The following HDAC8 variants were observed in gnomAD, a reference collection of about 807,000 sequenced individuals.
HDAC8 encodes histone deacetylase 8, also known as histone deacetylase-like 1.
HDAC8 carries 1 observed loss-of-function variant against 32.2 expected under a neutral mutation model. The ratio of observed to expected loss-of-function variants is 0.03; its 90% CI spans 0.01 to 0.15. The LOEUF (loss-of-function observed/expected upper bound fraction) is 0.15. Ranked by LOEUF, HDAC8 falls within the 10% of genes least tolerant of loss-of-function variation. HDAC8 has a pLI of 1.00. For missense variants in HDAC8, 117 were observed against 300.0 expected, an observed-to-expected ratio of 0.39 and a Z score of 4.51; for synonymous variants, 108 against 113.9, an observed-to-expected ratio of 0.95 and a Z score of 0.33.
chrX:72,337,048 C>T, intron 10 of HDAC8, among the ~76,000 whole-genome samples: 1 of 112,311 alleles, frequency 8.9e-6, no homozygotes, highest in East Asian at 2.8e-4. Flanking sequence ...CTGCACTCAG[C>T]CTCTTTTGCC....
chrX:72,354,446 C>T (rs782566535), intron 9 of HDAC8, among the ~76,000 whole-genome samples: 39 of 112,707 alleles, frequency 3.5e-4, no homozygotes, highest in Admixed American at 5.6e-4. Flanking sequence ...CAAGTCATCA[C>T]GGGTTTCCCT....
At chrX:72,553,925 T>C (rs1556083465) in intron 4 of HDAC8, among the ~76,000 whole-genome samples, 2 of 112,392 alleles carry the variant, frequency 1.8e-5, no homozygotes, top group Admixed American at 9.4e-5. Flanking sequence ...TTATTAGTGA[T>C]ACTAAATATT....
intron 4 of HDAC8, among the ~76,000 whole-genome samples, chrX:72,553,470 CAG>C (rs2051159562): frequency 8.9e-6 from 1 of 112,005 alleles, no homozygotes; most frequent in African/African-American, 3.2e-5. Flanking sequence ...CTATAAGTAA[CAG>C]AGAAAGTACC....
chrX:72,405,768 C>T (rs2046020164), intron 9 of HDAC8, among the ~76,000 whole-genome samples: 1 of 111,883 alleles, frequency 8.9e-6, no homozygotes, highest in Non-Finnish European at 1.9e-5. Context: ...TACCTCTGTG[C>T]TGTATTTTGT....
rs142883941 is a variant in HDAC8 at position 72,506,521 on chromosome X, C to G, written c.438-11253G>C. On this transcript the variant is annotated intron_variant, in intron 4 of 10. Transcript: ENST00000373573. Reference sequence around the variant, plus strand: ...TCAGTCATGTGGGAACAAATCCATTCCCATGAGAGAATAAAAACTCACTCA... The same window carrying G: ...TCAGTCATGTGGGAACAAATCCATTGCCATGAGAGAATAAAAACTCACTCA... 2.1e-3 allele frequency among the ~76,000 whole-genome samples: 240 copies of G among 111,805 alleles called. 1 individual carries two copies. Among genetic ancestry groups the G allele is most frequent in the African/African-American group, 7.5e-3 (230 of 30,755 alleles).
intron 7 of HDAC8, among the ~76,000 whole-genome samples, chrX:72,471,485 C>A (rs2048175073): frequency 8.9e-6 from 1 of 112,358 alleles, no homozygotes; most frequent in Non-Finnish European, 1.9e-5. Context: ...AATTTCTCCA[C>A]ATCTTCACCA....
chrX:72,409,005 C>T (rs1335497584), intron 9 of HDAC8, among the ~76,000 whole-genome samples: 7 of 112,133 alleles, frequency 6.2e-5, no homozygotes, highest in Admixed American at 9.4e-5. Context: ...TTTCTACATG[C>T]TGAGTGGTGA....
In HDAC8 at chrX:72,474,177, C is replaced by T. The variant is rs879954696; in HGVS notation, c.738-9446G>A. The T allele has an allele frequency of 1.2e-5, 9 of 750,058 alleles. No individual in the cohort carries two copies. The African/African-American group carries it at 1.4e-4, about 12-fold the overall frequency. The allele number at this position is 750,058 out of a possible 1,213,427, so 61.8% of individuals were successfully genotyped here. ...AGATCAAATGTTACCTCCTCAATTA[C>T]GCCTTTTTCTGAAGTATTTTCTCTC... On this transcript the variant is annotated intron_variant, in intron 7 of 10. Transcript: ENST00000373573.
At chrX:72,442,811 C>T (rs1180141937) in intron 9 of HDAC8, among the ~76,000 whole-genome samples, 2 of 111,452 alleles carry the variant, frequency 1.8e-5, no homozygotes, top group African/African-American at 3.3e-5. Flanking sequence ...CAGAGACACA[C>T]ATAGGCTCAA....
At chrX:72,345,356 G>A (rs1170727926) in intron 10 of HDAC8, among the ~76,000 whole-genome samples, 1 of 111,297 alleles carries the variant, frequency 9.0e-6, no homozygotes, top group Non-Finnish European at 1.9e-5. Flanking sequence ...ATGCTGCCAC[G>A]GAGAAGAGGG....
chrX:72,333,577 G>A (rs1425881594), intron 10 of HDAC8, among the ~76,000 whole-genome samples: 1 of 109,283 alleles, frequency 9.2e-6, no homozygotes, highest in Non-Finnish European at 1.9e-5. Flanking sequence ...TGTAACCCCA[G>A]CTACTGGGGA....
At chrX:72,389,483 A>G (rs1924369677) in intron 9 of HDAC8, among the ~76,000 whole-genome samples, 2 of 112,071 alleles carry the variant, frequency 1.8e-5, no homozygotes, top group Non-Finnish European at 3.8e-5. Context: ...AGCCCTGATA[A>G]GAGCACTGAC....
At chrX:72,474,870 T>C in intron 7 of HDAC8, 1 of 416,326 alleles carries the variant, frequency 2.4e-6, no homozygotes, top group East Asian at 4.1e-5. Flanking sequence ...GCCTTTGAGA[T>C]CTTTCACTGG....
intron 9 of HDAC8, among the ~76,000 whole-genome samples, chrX:72,403,069 T>C (rs1370746184): frequency 8.9e-6 from 1 of 111,953 alleles, no homozygotes; most frequent in African/African-American, 3.2e-5. Context: ...AGACAGCAGA[T>C]TGTTGGATCT....
At chrX:72,570,524 G>T (rs1436577143) in intron 2 of HDAC8, among the ~76,000 whole-genome samples, 1 of 107,279 alleles carries the variant, frequency 9.3e-6, no homozygotes, top group Non-Finnish European at 1.9e-5. Context: ...CAGGAGAATC[G>T]CTTGAACCTG....
intron 2 of HDAC8, among the ~76,000 whole-genome samples, chrX:72,571,497 T>A (rs782337847): frequency 1.0e-4 from 11 of 108,796 alleles, no homozygotes; most frequent in African/African-American, 3.0e-4. Flanking sequence ...CTTAACTGCT[T>A]CCTGCACTTT....
At chrX:72,417,301 T>C (rs2046370810) in intron 9 of HDAC8, among the ~76,000 whole-genome samples, 1 of 111,571 alleles carries the variant, frequency 9.0e-6, no homozygotes, top group South Asian at 3.7e-4. Flanking sequence ...CTATCTCTGT[T>C]TGCAGATGAT....
intron 9 of HDAC8, among the ~76,000 whole-genome samples, chrX:72,380,372 C>T (rs1277587004): frequency 8.9e-6 from 1 of 111,847 alleles, no homozygotes; most frequent in Non-Finnish European, 1.9e-5. Flanking sequence ...TTTCAAGGAA[C>T]CACTAGACAG....
At chrX:72,442,135 C>T (rs782616696) in intron 9 of HDAC8, among the ~76,000 whole-genome samples, 3 of 111,110 alleles carry the variant, frequency 2.7e-5, no homozygotes, top group Non-Finnish European at 5.7e-5. Context: ...AGGAGAACTT[C>T]CCCAATCTAG....
Sources: gnomAD v4.1 joint callset for allele counts (sites outside exome capture counted in the v4.1 genomes callset) on GRCh38, gnomAD v4.1.1 for gene constraint, MANE v1.5 for transcripts, NCBI Gene and HGNC (gene_info 2026-07-23, HGNC 2026-07-21) for gene names.